Variants in CPE observed in about 807,000 individuals in gnomAD.
CPE encodes carbocypeptidase E.
CPE carries 17 observed loss-of-function variants against 53.5 expected under a neutral mutation model. The observed-to-expected ratio is 0.32, with a 90% CI of 0.22 to 0.48. The LOEUF is 0.48. Ranked by LOEUF, CPE falls within the 20% of genes least tolerant of loss-of-function variation. CPE has a pLI of 0.99. For synonymous variants in CPE, 226 were observed against 228.8 expected (o/e 0.99, Z 0.11); for missense variants, 524 against 614.7 (o/e 0.85, Z 1.56).
chr4:165,419,637 C>A (rs926847860), intron 1 of CPE, among the ~76,000 whole-genome samples: 1 of 152,128 alleles, frequency 6.6e-6, no homozygotes. Context: ...GATTTGAACT[C>A]AATTCCGTGT....
At chr4:165,437,380 A>G (rs10517849) in intron 1 of CPE, among the ~76,000 whole-genome samples, 56,013 of 152,062 alleles carry the variant, frequency 0.37, 10,512 homozygotes, top group Middle Eastern at 0.47. Context: ...CAGAGCCTGC[A>G]TCCTGTATTA....
chr4:165,467,531 T>C (rs1258116478), intron 2 of CPE, among the ~76,000 whole-genome samples, 157 bp from the exon 3 acceptor site: 1 of 152,220 alleles, frequency 6.6e-6, no homozygotes, highest in Non-Finnish European at 1.5e-5. Context: ...CCTTCATGTT[T>C]ATATAAGTAA....
intron 1 of CPE, among the ~76,000 whole-genome samples, chr4:165,380,577 T>C (rs1033801445): frequency 3.3e-5 from 5 of 152,328 alleles, no homozygotes; most frequent in South Asian, 2.1e-4. Flanking sequence ...GGATGCTTAA[T>C]TTTTGTTTAA....
chr4:165,400,452 C>T (rs1730848037), intron 1 of CPE, among the ~76,000 whole-genome samples: 2 of 152,274 alleles, frequency 1.3e-5, no homozygotes, highest in South Asian at 4.1e-4. Flanking sequence ...TGATTCAGAG[C>T]TGTAGTCTCA....
chr4:165,406,160 C>A, intron 1 of CPE: 3 of 732,294 alleles, frequency 4.1e-6, no homozygotes, highest in Non-Finnish European at 7.7e-6. Flanking sequence ...GTTTATTCAG[C>A]GTATTTATCT....
chr4:165,456,528 TTC>T, intron 1 of CPE, among the ~76,000 whole-genome samples: 2 of 150,382 alleles, frequency 1.3e-5, no homozygotes, highest in Non-Finnish European at 3.0e-5. Context: ...TTCTCTTTGT[TTC>T]TCTCTTTCTT....
chr4:165,487,367 C>T, intron 5 of CPE, 71 bp from the exon 6 acceptor site: 1 of 1,584,666 alleles, frequency 6.3e-7, no homozygotes, highest in African/African-American at 1.4e-5. Flanking sequence ...GTTCTTGATT[C>T]AGAAGACTAG....
chr4:165,497,841 A>T lies in CPE; in HGVS notation c.*231A>T, dbSNP rs994870504. 26 of 248,972 alleles carry T rather than the reference A, an allele frequency of 1.0e-4. No homozygotes were observed. The highest frequency in any genetic ancestry group is 1.7e-4 in the Non-Finnish European group (22 of 133,092). The allele number at this position is 248,972 out of a possible 1,614,324, so 15.4% of individuals were successfully genotyped here. ...TTTTCCTACCTATATTACACAAAAA[A>T]GTATAGAAAAGATTTAAGTAATTTT... is the stretch of plus-strand genomic sequence containing the variant. On this transcript the variant is annotated 3_prime_UTR_variant, in exon 9 of 9. Coordinates refer to ENST00000402744, the MANE Select transcript of CPE (RefSeq NM_001873.4).
chr4:165,394,504 G>A (rs915729764), intron 1 of CPE, among the ~76,000 whole-genome samples: 8 of 152,078 alleles, frequency 5.3e-5, no homozygotes, highest in Admixed American at 4.6e-4. Context: ...TGTGCACCAC[G>A]CAGAATGAAT....
chr4:165,438,268 A>G (rs1031040049), intron 1 of CPE, among the ~76,000 whole-genome samples: 5 of 152,084 alleles, frequency 3.3e-5, no homozygotes, highest in Admixed American at 2.6e-4. Context: ...TATGAGCAAT[A>G]TTGGCGAAGT....
chr4:165,409,949 C>G (rs1345063166), intron 1 of CPE, among the ~76,000 whole-genome samples: 1 of 151,660 alleles, frequency 6.6e-6, no homozygotes, highest in East Asian at 1.9e-4. Flanking sequence ...CACAGACAAA[C>G]AAACAAAAAA....
chr4:165,469,352 C>T (rs3775313), intron 3 of CPE, among the ~76,000 whole-genome samples: 1 of 152,096 alleles, frequency 6.6e-6, no homozygotes, highest in Non-Finnish European at 1.5e-5. Flanking sequence ...CGCAAAGTAC[C>T]ATTTCTCCAT....
intron 1 of CPE, among the ~76,000 whole-genome samples, chr4:165,435,453 T>C (rs1731483812): frequency 6.6e-6 from 1 of 152,198 alleles, no homozygotes; most frequent in South Asian, 2.1e-4. Flanking sequence ...TAGTGGAACA[T>C]GTTATGGGTT....
intron 1 of CPE, among the ~76,000 whole-genome samples, chr4:165,395,576 A>C (rs1248754758): frequency 6.6e-6 from 1 of 152,212 alleles, no homozygotes; most frequent in African/African-American, 2.4e-5. Context: ...TATGATGAAA[A>C]ATGTGTGAAC....
intron 4 of CPE, among the ~76,000 whole-genome samples, chr4:165,482,918 T>C (rs1324590445): frequency 6.6e-6 from 1 of 152,194 alleles, no homozygotes; most frequent in East Asian, 1.9e-4. Context: ...TGTTTTTTGT[T>C]GCTCCAGGGA....
At chr4:165,494,392 C>T (rs1732666271) in intron 7 of CPE, among the ~76,000 whole-genome samples, 1 of 152,168 alleles carries the variant, frequency 6.6e-6, no homozygotes, top group Non-Finnish European at 1.5e-5. Flanking sequence ...AATACTCCAG[C>T]TTTTCAGGGA....
intron 1 of CPE, among the ~76,000 whole-genome samples, chr4:165,427,311 C>T (rs751062172): frequency 2.0e-5 from 3 of 148,158 alleles, no homozygotes; most frequent in Non-Finnish European, 4.5e-5. Context: ...TTTCTCTTCT[C>T]TCACTTTAGC....
At chr4:165,438,787 A>C (rs1579261731) in intron 1 of CPE, among the ~76,000 whole-genome samples, 2 of 152,172 alleles carry the variant, frequency 1.3e-5, no homozygotes, top group African/African-American at 4.8e-5. Context: ...GCAATACTTT[A>C]TATGGACTGA....
intron 4 of CPE, 107 bp from the exon 5 acceptor site, chr4:165,484,315 A>G (rs1244548559): frequency 9.5e-7 from 1 of 1,051,014 alleles, no homozygotes; most frequent in African/African-American, 1.6e-5. Flanking sequence ...TGTAGCTAAA[A>G]AAATACATCA....
Sources: gnomAD v4.1 joint callset for allele counts (sites outside exome capture counted in the v4.1 genomes callset) on GRCh38, gnomAD v4.1.1 for gene constraint, MANE v1.5 for transcripts, NCBI Gene and HGNC (gene_info 2026-07-23, HGNC 2026-07-21) for gene names.